The following GRIN2A variants were observed in gnomAD, a reference collection of about 807,000 sequenced individuals.
GRIN2A encodes the protein glutamate receptor ionotropic, NMDA 2A.
Under a neutral mutation model 113.4 loss-of-function variants are expected in GRIN2A, and 22 were observed. That is an observed-to-expected ratio of 0.19 (90% CI 0.14 to 0.28). The LOEUF is 0.28. Among genes scored for constraint, GRIN2A ranks in the 10% least tolerant of loss-of-function variants. The pLI is 1.00. For missense variants in GRIN2A, 1,502 were observed against 1,887.0 expected (o/e 0.80, Z 3.78); for synonymous variants, 827 against 738.4 (o/e 1.12, Z -1.94).
chr16:9,833,120 G>T (rs1190100113), intron 8 of GRIN2A, among the ~76,000 whole-genome samples: 2 of 152,128 alleles, frequency 1.3e-5, no homozygotes, highest in Non-Finnish European at 2.9e-5. Flanking sequence ...AGAAGGTAGT[G>T]CCCACTGAGG....
At position 9,880,383 on chromosome 16, in the gene GRIN2A, GT is replaced by G. The variant is rs145533152; in HGVS notation, c.1122+10602del. Among the ~76,000 whole-genome samples, 1,049 of 152,030 alleles carry G rather than the reference GT, an allele frequency of 6.9e-3. 4 individuals are homozygous for G. The highest frequency in any genetic ancestry group is 0.012 in the Non-Finnish European group (799 of 67,968). On this transcript the variant is annotated intron_variant, in intron 4 of 12. Coordinates refer to ENST00000330684, the MANE Select transcript of GRIN2A (RefSeq NM_001134407.3). Reference sequence around the variant, plus strand: ...TGTGAAACTAATTGCAGTTTTCGCTGTTTTTTTTAAATGGCAAAACCCACGA... The same window carrying G: ...TGTGAAACTAATTGCAGTTTTCGCTGTTTTTTTAAATGGCAAAACCCACGA...
chr16:10,015,260 A>AAAAAAAAAAAAAAAAAAAG (rs2046583406), intron 2 of GRIN2A, among the ~76,000 whole-genome samples: 1 of 134,172 alleles, frequency 7.5e-6, no homozygotes, highest in Non-Finnish European at 1.6e-5. Flanking sequence ...CTCAAAAAAA[A>AAAAAAAAAAAAAAAAAAAG]AAAAAAAAAA....
chr16:9,802,043 G>A (rs1013593781), intron 10 of GRIN2A, among the ~76,000 whole-genome samples: 2 of 152,134 alleles, frequency 1.3e-5, no homozygotes, highest in Non-Finnish European at 1.5e-5. Flanking sequence ...GTCAGAAAGG[G>A]CTATTATTAA....
chr16:9,901,293 G>T (rs531175080), intron 3 of GRIN2A, among the ~76,000 whole-genome samples: 22 of 152,158 alleles, frequency 1.4e-4, no homozygotes, highest in Non-Finnish European at 2.6e-4. Flanking sequence ...CTGTCCAGTG[G>T]GTGTCTACCT....
chr16:10,101,463 A>T (rs372876454), intron 2 of GRIN2A, among the ~76,000 whole-genome samples: 110 of 152,354 alleles, frequency 7.2e-4, no homozygotes, highest in African/African-American at 2.5e-3. Flanking sequence ...GGAAGAGAAC[A>T]GTCTGATTAA....
chr16:10,098,006 AC>A (rs1248630524), intron 2 of GRIN2A, among the ~76,000 whole-genome samples: 1 of 152,106 alleles, frequency 6.6e-6, no homozygotes, highest in African/African-American at 2.4e-5. Flanking sequence ...TAAATACACA[AC>A]CCACAGAGTG....
intron 2 of GRIN2A, among the ~76,000 whole-genome samples, chr16:10,041,817 C>T (rs1278498885): frequency 6.6e-6 from 1 of 152,216 alleles, no homozygotes; most frequent in Non-Finnish European, 1.5e-5. Flanking sequence ...CAAAGCCCAC[C>T]TTCTCAGTGA....
At chr16:10,028,886 A>C (rs1183346242) in intron 2 of GRIN2A, among the ~76,000 whole-genome samples, 2 of 152,202 alleles carry the variant, frequency 1.3e-5, no homozygotes, top group African/African-American at 2.4e-5. Flanking sequence ...CAAGGGCCCA[A>C]ATTGGGCTGG....
chr16:10,025,175 G>C (rs972776201), intron 2 of GRIN2A, among the ~76,000 whole-genome samples: 8 of 152,048 alleles, frequency 5.3e-5, no homozygotes, highest in African/African-American at 1.4e-4. Context: ...AAGAAGACTG[G>C]AGATTACTAA....
intron 2 of GRIN2A, among the ~76,000 whole-genome samples, chr16:9,968,316 G>A (rs147551563): frequency 5.6e-4 from 85 of 151,784 alleles, no homozygotes; most frequent in African/African-American, 1.2e-3. Context: ...ATACATGTAC[G>A]TATGTATGTA....
At chr16:10,111,563 T>C (rs1460876946) in intron 2 of GRIN2A, 1 of 831,454 alleles carries the variant, frequency 1.2e-6, no homozygotes, top group Non-Finnish European at 2.1e-6. Context: ...AAGATCATGC[T>C]GAAGACACCA....
chr16:9,863,677 A>G (rs923729829), intron 4 of GRIN2A, among the ~76,000 whole-genome samples: 1 of 152,222 alleles, frequency 6.6e-6, no homozygotes, highest in African/African-American at 2.4e-5. Flanking sequence ...ATGCTCTAGC[A>G]GCTGATTGGA....
At chr16:10,010,064 A>T (rs903740294) in intron 2 of GRIN2A, among the ~76,000 whole-genome samples, 28 of 152,232 alleles carry the variant, frequency 1.8e-4, no homozygotes, top group Non-Finnish European at 3.4e-4. Flanking sequence ...AACAAGCACG[A>T]CTGTGAATTC....
intron 2 of GRIN2A, among the ~76,000 whole-genome samples, chr16:10,114,786 A>T (rs961705873): frequency 6.6e-5 from 10 of 152,392 alleles, no homozygotes; most frequent in African/African-American, 2.4e-4. Context: ...CCAAATAGGA[A>T]CACTGGCAAA....
intron 2 of GRIN2A, among the ~76,000 whole-genome samples, chr16:10,055,639 A>G (rs2047446241): frequency 6.6e-6 from 1 of 152,180 alleles, no homozygotes; most frequent in African/African-American, 2.4e-5. Flanking sequence ...GCACTGGCAA[A>G]CTCAGTCACT....
chr16:10,158,975 G>A lies in GRIN2A; in HGVS notation c.414+21023C>T, dbSNP rs545600460. On this transcript the variant is annotated intron_variant, in intron 2 of 12. Transcript: ENST00000330684. Reference sequence around the variant, plus strand: ...TCAAAGTGGCCAAAATGTTGTGAAGGTGCCATGGAAGGAAACAAAACTTAA... The same window carrying A: ...TCAAAGTGGCCAAAATGTTGTGAAGATGCCATGGAAGGAAACAAAACTTAA... Among the ~76,000 whole-genome samples the A allele has an allele frequency of 3.3e-5, 5 of 152,314 alleles. No individual in the cohort carries two copies. The South Asian group carries it at 8.3e-4, about 25-fold the overall frequency.
intron 2 of GRIN2A, among the ~76,000 whole-genome samples, chr16:10,168,194 T>A (rs980257395): frequency 6.6e-6 from 1 of 152,224 alleles, no homozygotes; most frequent in Non-Finnish European, 1.5e-5. Flanking sequence ...GACCTACTTA[T>A]GTTTTTATTT....
intron 2 of GRIN2A, among the ~76,000 whole-genome samples, chr16:10,123,563 A>T (rs2048872379): frequency 6.6e-6 from 1 of 152,124 alleles, no homozygotes; most frequent in South Asian, 2.1e-4. Flanking sequence ...TATTCATAGA[A>T]TTTCTGGGGC....
chr16:10,076,205 T>C (rs1444168697), intron 2 of GRIN2A, among the ~76,000 whole-genome samples: 1 of 152,176 alleles, frequency 6.6e-6, no homozygotes, highest in Non-Finnish European at 1.5e-5. Context: ...GAGTCACTGG[T>C]GCAAAGTCTG....
Sources: allele counts gnomAD v4.1 joint callset (sites outside exome capture counted in the v4.1 genomes callset), GRCh38; gene constraint gnomAD v4.1.1; transcripts MANE v1.5; gene names NCBI Gene and HGNC (gene_info 2026-07-23, HGNC 2026-07-21).